MORC1: variants seen among roughly 807,000 people sequenced by gnomAD.
MORC1 encodes the protein MORC family CW-type zinc finger 1.
In MORC1, 59 loss-of-function variants were observed where a neutral mutation model predicts 134.9. The observed-to-expected ratio is 0.44, with a 90% CI of 0.35 to 0.54. MORC1 has a LOEUF of 0.54. Among genes scored for constraint, MORC1 ranks in the 20% least tolerant of loss-of-function variants. The pLI is 0.00. For synonymous variants in MORC1, 395 were observed against 391.7 expected (o/e 1.01, Z -0.10); for missense variants, 947 against 1,134.5 (o/e 0.83, Z 2.37).
At chr3:109,060,689 G>C (rs1041517729) in intron 11 of MORC1, among the ~76,000 whole-genome samples, 4 of 152,014 alleles carry the variant, frequency 2.6e-5, no homozygotes, top group Admixed American at 6.6e-5. Context: ...AAAAGTTCAG[G>C]TCATTCTGCT....
chr3:109,084,244 A>G (rs74517407), intron 8 of MORC1, among the ~76,000 whole-genome samples: 4,890 of 152,216 alleles, frequency 0.032, 246 homozygotes, highest in African/African-American at 0.11. Flanking sequence ...ATGTGACCTT[A>G]TATTTACAAA....
chr3:109,049,587 G>A (rs546753842), intron 14 of MORC1, among the ~76,000 whole-genome samples: 1 of 152,256 alleles, frequency 6.6e-6, no homozygotes, highest in Non-Finnish European at 1.5e-5. Flanking sequence ...GCCTAATAAG[G>A]CGATAAACTT....
chr3:109,062,119 G>C (rs1950098215), intron 10 of MORC1, 61 bp from the exon 11 acceptor site: 9 of 1,452,190 alleles, frequency 6.2e-6, no homozygotes, highest in Non-Finnish European at 8.7e-6. Context: ...TTTTAAGTGA[G>C]TATTTTCTAT....
chr3:108,984,093 C>G (rs941719995), intron 23 of MORC1, among the ~76,000 whole-genome samples: 1 of 152,042 alleles, frequency 6.6e-6, no homozygotes. Context: ...AGGAAAATAG[C>G]CCCTCTCTGT....
intron 14 of MORC1, among the ~76,000 whole-genome samples, chr3:109,046,901 T>G (rs1559918060): frequency 1.3e-5 from 2 of 152,190 alleles, no homozygotes; most frequent in African/African-American, 4.8e-5. Flanking sequence ...TACTTTTTTT[T>G]CTTCAAAGAT....
intron 13 of MORC1, among the ~76,000 whole-genome samples, chr3:109,057,030 G>A (rs746147958): frequency 1.1e-4 from 17 of 152,012 alleles, no homozygotes; most frequent in Admixed American, 8.5e-4. Flanking sequence ...TAATAAGCTC[G>A]TATTATTTTT....
chr3:109,108,430 A>G (rs1559957310), intron 3 of MORC1, among the ~76,000 whole-genome samples: 1 of 151,910 alleles, frequency 6.6e-6, no homozygotes, highest in African/African-American at 2.4e-5. Context: ...TCTGAATGAA[A>G]GGCAGCTTAC....
chr3:109,016,610 C>T (rs1948820698), intron 17 of MORC1, among the ~76,000 whole-genome samples: 1 of 152,170 alleles, frequency 6.6e-6, no homozygotes, highest in African/African-American at 2.4e-5. Context: ...TGCCTGTAAT[C>T]CCAGCACTTT....
At chr3:109,102,076 T>G (rs1026807454) in intron 4 of MORC1, among the ~76,000 whole-genome samples, 1 of 152,136 alleles carries the variant, frequency 6.6e-6, no homozygotes, top group East Asian at 1.9e-4. Context: ...ATAAATAAGA[T>G]CATTTCTGAC....
chr3:109,047,351 C>T (rs1949716827), intron 14 of MORC1, among the ~76,000 whole-genome samples: 2 of 152,028 alleles, frequency 1.3e-5, no homozygotes, highest in South Asian at 2.1e-4. Flanking sequence ...AATAAGGGTC[C>T]TAAACTTTTT....
chr3:109,092,288 G>A (rs923742910), intron 8 of MORC1, among the ~76,000 whole-genome samples: 2 of 152,052 alleles, frequency 1.3e-5, no homozygotes, highest in Non-Finnish European at 2.9e-5. Context: ...TCTACATGTT[G>A]GAATACGAGA....
Position 109,101,090 on chromosome 3 carries a change from G to A in MORC1, c.224-583C>T, listed in dbSNP as rs558679984. ...GTCTGAGCCTTAATTTCCATGTGGT[G>A]TAAGAGGCAACTACGTAATACTTAT... On this transcript the variant is annotated intron_variant, in intron 4 of 27. Coordinates refer to ENST00000232603, the MANE Select transcript of MORC1 (RefSeq NM_014429.4). Among the ~76,000 whole-genome samples, 4 of 152,282 alleles carry A rather than the reference G, an allele frequency of 2.6e-5. No homozygotes were observed. In the South Asian group the frequency reaches 8.3e-4, roughly 32 times the overall value.
intron 8 of MORC1, among the ~76,000 whole-genome samples, chr3:109,078,237 T>G (rs912233044): frequency 2.6e-5 from 4 of 152,114 alleles, no homozygotes; most frequent in Non-Finnish European, 5.9e-5. Flanking sequence ...ATGAAATGGA[T>G]AGAGCTCTGT....
chr3:108,984,628 C>T (rs1235318699), intron 23 of MORC1, 88 bp downstream of exon 23: 10 of 1,022,076 alleles, frequency 9.8e-6, no homozygotes, highest in Non-Finnish European at 1.4e-5. Flanking sequence ...GCTATTATTT[C>T]CTTTCTTCTT....
In MORC1 at chr3:109,043,199, G is replaced by A. The variant is rs1057394585; in HGVS notation, c.1331-7731C>T. Among the ~76,000 whole-genome samples the A allele has an allele frequency of 7.7e-4, 98 of 126,952 alleles. 6 individuals carry two copies. The highest frequency in any genetic ancestry group is 3.7e-4 in the Non-Finnish European group (22 of 59,754). The allele number at this position is 126,952 out of a possible 152,430, so 83.3% of individuals were successfully genotyped here. A position where few individuals can be genotyped will look rare whatever the true frequency, so the allele number is the denominator to read the frequency against. On this transcript the variant is annotated intron_variant, in intron 14 of 27. Transcript: ENST00000232603. ...AATGTGGCAAAATGTGGGGGGGGGG[G>A]GGTGTGTATAACAGAATATTATTCA... is the stretch of plus-strand genomic sequence containing the variant.
intron 17 of MORC1, among the ~76,000 whole-genome samples, chr3:109,024,972 T>C (rs1949040433): frequency 6.6e-6 from 1 of 152,204 alleles, no homozygotes; most frequent in South Asian, 2.1e-4. Flanking sequence ...TGGTTTTTAG[T>C]CTTAGTTTTG....
chr3:108,981,205 A>AT (rs889656014), intron 23 of MORC1, among the ~76,000 whole-genome samples: 18 of 151,588 alleles, frequency 1.2e-4, no homozygotes, highest in African/African-American at 2.4e-4. Context: ...TAATAAAAAG[A>AT]TTTTTTTTTG....
chr3:109,060,212 T>C (rs1950048096), intron 11 of MORC1, among the ~76,000 whole-genome samples: 1 of 152,000 alleles, frequency 6.6e-6, no homozygotes, highest in Non-Finnish European at 1.5e-5. Flanking sequence ...TGACTTTTGT[T>C]TGTGAGAACA....
At position 109,069,749 on chromosome 3, in the gene MORC1, G is replaced by A. The variant is rs148630097; in HGVS notation, c.698C>T (p.Ala233Val). The A allele has an allele frequency of 1.9e-6, 3 of 1,606,308 alleles. No homozygotes were observed. Among genetic ancestry groups the A allele is most frequent in the East Asian group, 2.2e-5 (1 of 44,728 alleles). ...LMAGALEDFPARWSFRAYTSV... is the reference protein window; with the variant it reads ...LMAGALEDFPVRWSFRAYTSV... ...TGTGTAGGCTCTGAATGACCACCTC[G>A]CTGGGAAACTGAAATAGAAAATACA... Residue 233 changes from alanine to valine, a missense_variant, in exon 9 of 28, where the codon GCG becomes GTG. Physicochemically the swap from Ala to Val is moderately conservative, Grantham distance 64 (BLOSUM62 0). This residue lies in a region of MORC1 where 214 missense variants were observed against 281.3 expected (regional missense o/e 0.76). Coordinates refer to ENST00000232603, the MANE Select transcript of MORC1 (RefSeq NM_014429.4).
Sources: gnomAD v4.1 joint callset for allele counts (sites outside exome capture counted in the v4.1 genomes callset) on GRCh38, gnomAD v4.1.1 for gene constraint, gnomAD v4.1.1 regional missense constraint, MANE v1.5 for transcripts, NCBI Gene and HGNC (gene_info 2026-07-23, HGNC 2026-07-21) for gene names.